Variants in CCDC88A observed in about 807,000 individuals in gnomAD.
CCDC88A encodes the protein girdin.
A neutral mutation model predicts 234.3 loss-of-function variants in CCDC88A; 54 were observed. The ratio of observed to expected loss-of-function variants is 0.23; its 90% CI spans 0.19 to 0.29. The LOEUF (loss-of-function observed/expected upper bound fraction) is 0.29, where lower values mean the gene tolerates loss of function less well. CCDC88A is among the 10% of genes least tolerant of loss of function. The pLI is 1.00. For synonymous variants in CCDC88A, 753 were observed against 737.8 expected (o/e 1.02, Z -0.33); for missense variants, 1,832 against 2,123.4 (o/e 0.86, Z 2.70).
chr2:55,325,036 T>C (rs1365723782), intron 17 of CCDC88A, among the ~76,000 whole-genome samples: 1 of 152,236 alleles, frequency 6.6e-6, no homozygotes, highest in Non-Finnish European at 1.5e-5. Context: ...ACAGTTCCAG[T>C]TGCTCCCAAT....
At chr2:55,375,875 C>T (rs1281276896) in intron 3 of CCDC88A, among the ~76,000 whole-genome samples, 1 of 152,054 alleles carries the variant, frequency 6.6e-6, no homozygotes, top group Non-Finnish European at 1.5e-5. Context: ...AAAATGTCAA[C>T]TGATATTAAA....
In CCDC88A at chr2:55,346,165, T is replaced by A. The variant is rs771597302; in HGVS notation, c.1041+10A>T. On this transcript the variant is annotated intron_variant, in intron 10 of 32. Coordinates refer to ENST00000436346, the MANE Select transcript of CCDC88A (RefSeq NM_001365480.1). ...AAAAAAAATCATGAATGGTTAATTA[T>A]GCAACATACCTCAACTCTTGCCTTA... The A allele has an allele frequency of 3.2e-6, 5 of 1,576,294 alleles. No homozygotes were observed. In the Admixed American group the frequency reaches 9.1e-5, roughly 29 times the overall value.
chr2:55,353,086 T>C (rs1670110964), intron 8 of CCDC88A, among the ~76,000 whole-genome samples: 2 of 152,210 alleles, frequency 1.3e-5, no homozygotes, highest in South Asian at 2.1e-4. Context: ...TACTGGCACA[T>C]TTATTTACCC....
rs772110541 is a variant in CCDC88A, at chr2:55,346,149, CATGA to C, written c.1041+22_1041+25del. 107 of 1,529,928 alleles carry C rather than the reference CATGA, an allele frequency of 7.0e-5. No homozygotes were observed. The South Asian group carries it at 1.2e-3, about 17-fold the overall frequency. 94.8% of individuals were successfully genotyped at this position (1,529,928 alleles called of 1,614,324 possible). A position where few individuals can be genotyped will look rare whatever the true frequency, so the allele number is the denominator to read the frequency against. On this transcript the variant is annotated intron_variant, in intron 10 of 32. Coordinates refer to ENST00000436346, the MANE Select transcript of CCDC88A (RefSeq NM_001365480.1). ...AAAATTCTAACACAGAAAAAAAAATCATGAATGGTTAATTATGCAACATACCTCA... is the reference window on the plus strand; with the variant it reads ...AAAATTCTAACACAGAAAAAAAAATCATGGTTAATTATGCAACATACCTCA...
intron 29 of CCDC88A, among the ~76,000 whole-genome samples, chr2:55,298,149 C>G (rs1330843293): frequency 4.6e-5 from 7 of 152,114 alleles, no homozygotes; most frequent in African/African-American, 1.7e-4. Context: ...GTTTTGATCA[C>G]GAACAAACTG....
intron 5 of CCDC88A, among the ~76,000 whole-genome samples, chr2:55,365,069 A>G (rs537689072): frequency 3.3e-5 from 5 of 152,320 alleles, no homozygotes; most frequent in South Asian, 2.1e-4. Context: ...TTCTACTACT[A>G]TACAATTTAA....
intron 2 of CCDC88A, among the ~76,000 whole-genome samples, chr2:55,401,779 C>T (rs1558827588): frequency 1.3e-5 from 2 of 151,700 alleles, no homozygotes; most frequent in Admixed American, 6.6e-5. Context: ...ATTTTGGACA[C>T]ATTAAGTTAC....
rs2104666358 is a variant in CCDC88A, at chr2:55,328,456, G to A, written c.2856-21C>T. 1 of 1,475,108 alleles carries A rather than the reference G, an allele frequency of 6.8e-7. No individual in the cohort carries two copies. The highest frequency in any genetic ancestry group is 9.1e-7 in the Non-Finnish European group (1 of 1,099,634). The allele number at this position is 1,475,108 out of a possible 1,614,324, so 91.4% of individuals were successfully genotyped here. On this transcript the variant is annotated intron_variant, in intron 16 of 32. Transcript: ENST00000436346. This position sits in a 1 kb window ranked among gnomAD's most constrained non-coding sequence, Gnocchi z 4.3. ...ACCTACTATCCAAGTACAAAGTAAT[G>A]TAGTTCATTATTGGAGGTCAGAAAA...
intron 16 of CCDC88A, among the ~76,000 whole-genome samples, chr2:55,330,942 A>AT (rs1469696103): frequency 6.6e-6 from 1 of 152,110 alleles, no homozygotes; most frequent in Non-Finnish European, 1.5e-5. Context: ...AACCTCTGTC[A>AT]TTTTTTAAGA....
chr2:55,378,709 T>C (rs1345947475), intron 3 of CCDC88A, among the ~76,000 whole-genome samples: 1 of 152,012 alleles, frequency 6.6e-6, no homozygotes, highest in African/African-American at 2.4e-5. Flanking sequence ...ACCCTATGGG[T>C]TCTTCAGAGG....
rs1260236334 is a variant in CCDC88A at position 55,291,069 on chromosome 2, T to C, written c.*131A>G. On this transcript the variant is annotated 3_prime_UTR_variant, in exon 33 of 33. Transcript: ENST00000436346. ...TCACGAAGGACTGTTAAAAGTCTCC[T>C]TAAAGATTTTTAAAAATGATTCCTA... The C allele has an allele frequency of 6.6e-6, 1 of 152,568 alleles. No individual in the cohort carries two copies. The highest frequency in any genetic ancestry group is 1.5e-5 in the Non-Finnish European group (1 of 67,974). The allele number at this position is 152,568 out of a possible 1,614,324, so 9.5% of individuals were successfully genotyped here.
In CCDC88A at chr2:55,289,862, T is replaced by C. The variant is rs1006609284; in HGVS notation, c.*1338A>G. On this transcript the variant is annotated 3_prime_UTR_variant, in exon 33 of 33. Coordinates refer to ENST00000436346, the MANE Select transcript of CCDC88A (RefSeq NM_001365480.1). Reference sequence around the variant, plus strand: ...CCCACAACTCATAAACCACACACTATGGAATATGGAATTATTCCAAAAAGT... The same window carrying C: ...CCCACAACTCATAAACCACACACTACGGAATATGGAATTATTCCAAAAAGT... The C allele has an allele frequency of 2.0e-5, 3 of 152,218 alleles. No individual in the cohort carries two copies. Among genetic ancestry groups the C allele is most frequent in the Non-Finnish European group, 4.4e-5 (3 of 67,956 alleles). 9.4% of individuals were successfully genotyped at this position (152,218 alleles called of 1,614,324 possible).
At chr2:55,303,661 G>A (rs972879315) in intron 25 of CCDC88A, among the ~76,000 whole-genome samples, 16 of 152,106 alleles carry the variant, frequency 1.1e-4, no homozygotes, top group Admixed American at 9.2e-4. Context: ...GATTACAGGC[G>A]TGAGCCACCA....
At chr2:55,348,887 A>G (rs1189907417) in intron 9 of CCDC88A, 1 of 152,258 alleles carries the variant, frequency 6.6e-6, no homozygotes, top group African/African-American at 2.4e-5. Context: ...CCCTGCATCT[A>G]AAGTCAGGTA....
intron 9 of CCDC88A, among the ~76,000 whole-genome samples, chr2:55,347,937 C>T (rs1471476019): frequency 6.6e-6 from 1 of 151,072 alleles, no homozygotes; most frequent in Non-Finnish European, 1.5e-5. Context: ...GAGATGGAGT[C>T]TAACATGGAA....
At chr2:55,364,079 G>T (rs1671660078) in intron 5 of CCDC88A, 46 bp from the exon 6 acceptor site, 3 of 922,702 alleles carry the variant, frequency 3.3e-6, no homozygotes, top group Non-Finnish European at 5.0e-6. Flanking sequence ...ATAGGGTATG[G>T]TCCTTAAAAT....
At chr2:55,385,772 G>A (rs1242717962) in intron 3 of CCDC88A, among the ~76,000 whole-genome samples, 1 of 128,366 alleles carries the variant, frequency 7.8e-6, no homozygotes, top group South Asian at 2.7e-4. Flanking sequence ...AGAATCCCTT[G>A]AATCCGGGAG....
chr2:55,293,230 C>G (rs946321214), intron 31 of CCDC88A, among the ~76,000 whole-genome samples: 9 of 152,048 alleles, frequency 5.9e-5, no homozygotes, highest in African/African-American at 2.2e-4. Context: ...TAATCTTTGA[C>G]TCAGTGTGGA....
At chr2:55,375,334 A>T (rs1028651558) in intron 3 of CCDC88A, among the ~76,000 whole-genome samples, 1 of 151,956 alleles carries the variant, frequency 6.6e-6, no homozygotes, top group African/African-American at 2.4e-5. Context: ...ATTAAGAAAC[A>T]TTCCTCAGTA....
Sources: allele counts gnomAD v4.1 joint callset (sites outside exome capture counted in the v4.1 genomes callset), GRCh38; gene constraint gnomAD v4.1.1; non-coding constraint Gnocchi (gnomAD v3.1); transcripts MANE v1.5; gene names NCBI Gene and HGNC (gene_info 2026-07-23, HGNC 2026-07-21).